The following PALLD variants were observed in gnomAD, a reference collection of about 807,000 sequenced individuals.
The protein encoded by PALLD is palladin, cytoskeletal associated protein, also known as palladin.
PALLD carries 61 observed loss-of-function variants against 123.5 expected under a neutral mutation model. The ratio of observed to expected loss-of-function variants is 0.49; its 90% CI spans 0.40 to 0.61. The LOEUF (loss-of-function observed/expected upper bound fraction) is 0.61, where lower values mean the gene tolerates loss of function less well. Ranked by LOEUF, PALLD falls within the 20% of genes least tolerant of loss-of-function variation. The pLI, the probability that PALLD is intolerant of heterozygous loss-of-function variation, is 0.00. For synonymous variants in PALLD, 465 were observed against 496.4 expected (o/e 0.94, Z 0.84); for missense variants, 1,273 against 1,377.0 (o/e 0.92, Z 1.20).
chr4:168,762,684 C>T (rs1290738138), intron 10 of PALLD, among the ~76,000 whole-genome samples: 1 of 152,154 alleles, frequency 6.6e-6, no homozygotes, highest in Admixed American at 6.5e-5. Flanking sequence ...GGTATATGCT[C>T]ATTGGATTAT....
intron 10 of PALLD, among the ~76,000 whole-genome samples, chr4:168,875,704 C>T (rs746398648): frequency 1.3e-5 from 2 of 152,196 alleles, no homozygotes; most frequent in African/African-American, 2.4e-5. Flanking sequence ...CTAAAGTTAG[C>T]GCTTCCACAG....
At chr4:168,876,245 A>G (rs1225947722) in intron 10 of PALLD, among the ~76,000 whole-genome samples, 2 of 152,222 alleles carry the variant, frequency 1.3e-5, no homozygotes, top group African/African-American at 4.8e-5. Context: ...TTTTAGAGCT[A>G]GTGGGTGGTT....
chr4:168,505,822 A>G (rs1761943479), intron 1 of PALLD, among the ~76,000 whole-genome samples: 2 of 152,260 alleles, frequency 1.3e-5, no homozygotes, highest in African/African-American at 4.8e-5. Flanking sequence ...TATGTGTTAT[A>G]TGAAGTCATT....
rs562908146 is a variant in PALLD, at chr4:168,535,960, T to C, written c.908+23548T>C. Among the ~76,000 whole-genome samples the C allele has an allele frequency of 3.3e-4, 51 of 152,284 alleles. 1 individual carries two copies. The South Asian group carries it at 9.8e-3, about 29-fold the overall frequency. Reference sequence around the variant, plus strand: ...GTGGTGTGTAATTTACAAGAACACTTAAAGAACTCTCAGTACCTTGGTGCC... The same window carrying C: ...GTGGTGTGTAATTTACAAGAACACTCAAAGAACTCTCAGTACCTTGGTGCC... On this transcript the variant is annotated intron_variant, in intron 2 of 21. Coordinates refer to ENST00000505667, the MANE Select transcript of PALLD (RefSeq NM_001166108.2).
chr4:168,597,347 C>T (rs187799725), intron 2 of PALLD, among the ~76,000 whole-genome samples: 2 of 152,160 alleles, frequency 1.3e-5, no homozygotes, highest in Non-Finnish European at 1.5e-5. Context: ...GCCTGAAACT[C>T]ATACAGTTTT....
intron 1 of PALLD, among the ~76,000 whole-genome samples, chr4:168,503,541 G>A (rs1761654341): frequency 6.6e-6 from 1 of 151,920 alleles, no homozygotes; most frequent in Non-Finnish European, 1.5e-5. Flanking sequence ...CAGCTACTCA[G>A]GAGGCTGAGG....
At chr4:168,549,279 A>T (rs75830960) in intron 2 of PALLD, among the ~76,000 whole-genome samples, 2 of 146,982 alleles carry the variant, frequency 1.4e-5, no homozygotes, top group Non-Finnish European at 1.5e-5. Flanking sequence ...AAAAAAAAAA[A>T]TTAGTATTGC....
chr4:168,910,191 C>A (rs1758621823), intron 15 of PALLD, among the ~76,000 whole-genome samples: 1 of 149,910 alleles, frequency 6.7e-6, no homozygotes, highest in African/African-American at 2.5e-5. Context: ...AATGTGTGAC[C>A]TTTCCAGAGT....
chr4:168,784,904 G>T (rs1255463080), intron 10 of PALLD, among the ~76,000 whole-genome samples: 1 of 152,108 alleles, frequency 6.6e-6, no homozygotes, highest in Non-Finnish European at 1.5e-5. Context: ...TGGGATACCT[G>T]TGGGGATTTC....
intron 2 of PALLD, chr4:168,598,852 A>G (rs936553235): frequency 5.0e-6 from 1 of 201,748 alleles, no homozygotes; most frequent in Non-Finnish European, 1.1e-5. Context: ...CTGTATATCA[A>G]AATAATTCCA....
At chr4:168,652,770 T>TTG (rs1247407717) in intron 2 of PALLD, among the ~76,000 whole-genome samples, 1 of 152,176 alleles carries the variant, frequency 6.6e-6, no homozygotes, top group African/African-American at 2.4e-5. Context: ...CATAGTATTT[T>TTG]TGTGTGTGTG....
chr4:168,658,286 T>TTTTTC, intron 2 of PALLD, among the ~76,000 whole-genome samples: 1 of 101,486 alleles, frequency 9.9e-6, no homozygotes, highest in African/African-American at 4.3e-5. Context: ...TTTTATTTGG[T>TTTTTC]TTTTTTTTTT....
At chr4:168,715,937 G>A (rs1277170335) in intron 10 of PALLD, among the ~76,000 whole-genome samples, 2 of 151,208 alleles carry the variant, frequency 1.3e-5, no homozygotes, top group African/African-American at 2.4e-5. Context: ...GTGACAGAGC[G>A]ACACTCCATC....
rs1554034659 is a variant in PALLD at position 168,520,347 on chromosome 4, A to AAGAGAG, written c.908+7943_908+7948dup. ...GTCACCAAAAAAAAAAAAAAAAAAA[A>AAGAGAG]AGAGAGAGAGAGAATGGCACCTTTA... On this transcript the variant is annotated intron_variant, in intron 2 of 21. Coordinates refer to ENST00000505667, the MANE Select transcript of PALLD (RefSeq NM_001166108.2). Among the ~76,000 whole-genome samples, 299 of 83,992 alleles carry AAGAGAG rather than the reference A, an allele frequency of 3.6e-3. 6 individuals are homozygous for AAGAGAG. The highest frequency in any genetic ancestry group is 4.9e-3 in the African/African-American group (91 of 18,682). 55.1% of individuals were successfully genotyped at this position (83,992 alleles called of 152,430 possible). A position where few individuals can be genotyped will look rare whatever the true frequency, so the allele number is the denominator to read the frequency against.
In PALLD at chr4:168,689,766, G is replaced by A. The variant is rs144767132; in HGVS notation, c.1336-837G>A. On this transcript the variant is annotated intron_variant, in intron 6 of 21. Coordinates refer to ENST00000505667, the MANE Select transcript of PALLD (RefSeq NM_001166108.2). ...CCTGGCCTAGATCCAATATTCTATAGTCAGAAGTTTAAATAGTAAGAAAGT... is the reference window on the plus strand; with the variant it reads ...CCTGGCCTAGATCCAATATTCTATAATCAGAAGTTTAAATAGTAAGAAAGT... Among the ~76,000 whole-genome samples the A allele has an allele frequency of 1.6e-3, 241 of 152,172 alleles. 1 individual carries two copies. The highest frequency in any genetic ancestry group is 5.5e-3 in the African/African-American group (228 of 41,528).
At chr4:168,614,895 T>G (rs1774074123) in intron 2 of PALLD, among the ~76,000 whole-genome samples, 1 of 152,180 alleles carries the variant, frequency 6.6e-6, no homozygotes, top group African/African-American at 2.4e-5. Context: ...ATCCCAAGAC[T>G]AAGACCATGA....
intron 10 of PALLD, among the ~76,000 whole-genome samples, chr4:168,814,162 T>A (rs1581607607): frequency 6.6e-6 from 1 of 152,036 alleles, no homozygotes; most frequent in African/African-American, 2.4e-5. Context: ...AAGAAAACAA[T>A]GAGAAAGGTT....
intron 10 of PALLD, among the ~76,000 whole-genome samples, chr4:168,777,591 A>G (rs1168838611): frequency 2.0e-5 from 3 of 152,236 alleles, no homozygotes; most frequent in African/African-American, 7.2e-5. Context: ...CCAAGGCCAC[A>G]ATACCCAACT....
intron 10 of PALLD, among the ~76,000 whole-genome samples, chr4:168,735,047 G>A (rs979239201): frequency 4.6e-5 from 7 of 152,130 alleles, no homozygotes; most frequent in Admixed American, 4.6e-4. Flanking sequence ...AATTTTTCTT[G>A]GAGGCTGAGT....
Sources: allele counts gnomAD v4.1 joint callset (sites outside exome capture counted in the v4.1 genomes callset), GRCh38; gene constraint gnomAD v4.1.1; transcripts MANE v1.5; gene names NCBI Gene and HGNC (gene_info 2026-07-23, HGNC 2026-07-21).